The following DCHS2 variants were observed in gnomAD, a reference collection of about 807,000 sequenced individuals.
DCHS2 encodes dachsous cadherin-related 2, also known as protocadherin-23.
DCHS2 carries 142 observed loss-of-function variants against 182.4 expected under a neutral mutation model. The observed-to-expected ratio is 0.78, with a 90% confidence interval of 0.68 to 0.89. The LOEUF (loss-of-function observed/expected upper bound fraction) is 0.89. Ranked by LOEUF, DCHS2 falls within the 40% of genes least tolerant of loss-of-function variation. The pLI, the probability that DCHS2 is intolerant of heterozygous loss-of-function variation, is 0.00. For synonymous variants in DCHS2, 1,740 were observed against 1,663.3 expected (o/e 1.05, Z -1.12); for missense variants, 4,319 against 4,198.6 (o/e 1.03, Z -0.79).
chr4:154,467,448 C>T (rs906763212), intron 1 of DCHS2, among the ~76,000 whole-genome samples: 4 of 152,088 alleles, frequency 2.6e-5, no homozygotes, highest in Non-Finnish European at 5.9e-5. Flanking sequence ...ACTCTAAATA[C>T]ATACTCTATA....
chr4:154,438,181 C>T (rs1203275394), intron 1 of DCHS2, among the ~76,000 whole-genome samples: 2 of 152,154 alleles, frequency 1.3e-5, no homozygotes, highest in African/African-American at 2.4e-5. Flanking sequence ...GCCTGCCCTA[C>T]CTAATACCAA....
At chr4:154,308,987 C>A (rs1261681431) in intron 10 of DCHS2, among the ~76,000 whole-genome samples, 1 of 152,102 alleles carries the variant, frequency 6.6e-6, no homozygotes, top group African/African-American at 2.4e-5. Context: ...AAAAGAAAAT[C>A]TAAATACCTT....
intron 1 of DCHS2, among the ~76,000 whole-genome samples, chr4:154,396,213 A>T (rs1340824644): frequency 1.3e-5 from 2 of 151,852 alleles, no homozygotes; most frequent in African/African-American, 2.4e-5. Context: ...TGTACCTGGC[A>T]CATAATAGGT....
At chr4:154,246,416 C>G (rs749117309) in intron 16 of DCHS2, among the ~76,000 whole-genome samples, 1 of 152,040 alleles carries the variant, frequency 6.6e-6, no homozygotes, top group Non-Finnish European at 1.5e-5. Context: ...AGTCGACTTC[C>G]CCTGTGGTAC....
intron 10 of DCHS2, among the ~76,000 whole-genome samples, chr4:154,305,899 C>T (rs1261870440): frequency 6.6e-6 from 1 of 152,134 alleles, no homozygotes; most frequent in African/African-American, 2.4e-5. Context: ...GAGTCTGTCC[C>T]ATGCCATTGT....
At chr4:154,385,315 G>A (rs1194182416) in intron 1 of DCHS2, among the ~76,000 whole-genome samples, 2 of 152,064 alleles carry the variant, frequency 1.3e-5, no homozygotes, top group African/African-American at 4.8e-5. Context: ...TCTTAATCCA[G>A]TCTATCATTG....
At chr4:154,476,678 G>A (rs1270614496) in intron 1 of DCHS2, among the ~76,000 whole-genome samples, 1 of 152,168 alleles carries the variant, frequency 6.6e-6, no homozygotes, top group Non-Finnish European at 1.5e-5. Context: ...AGGCAAGATG[G>A]GTAAGGTCTC....
At chr4:154,344,059 C>T (rs116668412) in intron 3 of DCHS2, among the ~76,000 whole-genome samples, 3,450 of 149,012 alleles carry the variant, frequency 0.023, 106 homozygotes, top group African/African-American at 0.077. Context: ...GAGAGAGAGA[C>T]GGGAAACAGC....
chr4:154,368,418 T>C (rs1730493342), intron 2 of DCHS2, among the ~76,000 whole-genome samples: 1 of 152,170 alleles, frequency 6.6e-6, no homozygotes. Context: ...GAAATGAATA[T>C]TGCCCCAGCT....
At chr4:154,432,988 T>TC (rs2110938696) in intron 1 of DCHS2, among the ~76,000 whole-genome samples, 1 of 152,306 alleles carries the variant, frequency 6.6e-6, no homozygotes, top group Admixed American at 6.5e-5. Flanking sequence ...TTGAATCATG[T>TC]CCTGCAAAAA....
In DCHS2 at chr4:154,236,040, T is replaced by C; in HGVS notation, c.8612A>G (p.Glu2871Gly). 1.2e-6 allele frequency: 2 copies of C among 1,613,936 alleles called. No individual in the cohort carries two copies. The highest frequency in any genetic ancestry group is 2.2e-5 in the East Asian group (1 of 44,864). Residue 2871 changes from glutamate to glycine, a missense_variant, in exon 20 of 20, where the codon GAA becomes GGA. Physicochemically the swap from Glu to Gly is moderately conservative, Grantham distance 98. Transcript: ENST00000357232. ...AATGGGCTCAAATTCATCTATCCCT[T>C]CAATATCCACCCAGACCACTAAGGA... ...TASLVVWVDI[E>G]GIDEFEPIFT...
chr4:154,458,845 A>C (rs1250757101), intron 1 of DCHS2, among the ~76,000 whole-genome samples: 1 of 152,198 alleles, frequency 6.6e-6, no homozygotes, highest in Non-Finnish European at 1.5e-5. Flanking sequence ...CTAAGGTTGC[A>C]GTTTCTCAGG....
intron 1 of DCHS2, among the ~76,000 whole-genome samples, chr4:154,400,031 C>A (rs1416004212): frequency 6.6e-6 from 1 of 151,984 alleles, no homozygotes; most frequent in Admixed American, 6.5e-5. Flanking sequence ...CGGCCGGGCG[C>A]GGTGGCTCAT....
intron 13 of DCHS2, 76 bp downstream of exon 13, chr4:154,297,775 C>T (rs1349222498): frequency 2.0e-6 from 3 of 1,526,194 alleles, no homozygotes; most frequent in Non-Finnish European, 2.6e-6. Flanking sequence ...CAATGGCACT[C>T]TTGTAGTATA....
chr4:154,314,769 T>C (rs983059041), intron 10 of DCHS2, among the ~76,000 whole-genome samples: 4 of 152,152 alleles, frequency 2.6e-5, no homozygotes, highest in Admixed American at 2.6e-4. Context: ...TATACAAACG[T>C]AAATTTTAAA....
intron 1 of DCHS2, among the ~76,000 whole-genome samples, chr4:154,428,641 C>T (rs1579074234): frequency 6.6e-6 from 1 of 152,030 alleles, no homozygotes; most frequent in South Asian, 2.1e-4. Flanking sequence ...AAAGTGGATA[C>T]TGTAATCCTA....
At chr4:154,472,836 TCACA>T (rs1735529208) in intron 1 of DCHS2, among the ~76,000 whole-genome samples, 1 of 151,768 alleles carries the variant, frequency 6.6e-6, no homozygotes, top group Non-Finnish European at 1.5e-5. Context: ...ACATATCACA[TCACA>T]CAGAGAATAA....
At chr4:154,468,032 C>T (rs1302652488) in intron 1 of DCHS2, among the ~76,000 whole-genome samples, 2 of 152,074 alleles carry the variant, frequency 1.3e-5, no homozygotes, top group Non-Finnish European at 2.9e-5. Context: ...AATGCCTGAC[C>T]ACCATTACCC....
At position 154,438,702 on chromosome 4, in the gene DCHS2, G is replaced by A. The variant is rs142043794; in HGVS notation, c.2052+50602C>T. 3.6e-3 allele frequency among the ~76,000 whole-genome samples: 544 copies of A among 152,266 alleles called. 2 individuals carry two copies. Among genetic ancestry groups the A allele is most frequent in the Middle Eastern group, 0.02 (6 of 294 alleles). On this transcript the variant is annotated intron_variant, in intron 1 of 19. Coordinates refer to ENST00000357232, the MANE Select transcript of DCHS2 (RefSeq NM_001358235.2). ...TAATAGTTCTCTTTCCAAAAGTCCT[G>A]CACATTTCCTAGTCGCTTTATTCCT...
Sources: gnomAD v4.1 joint callset for allele counts (sites outside exome capture counted in the v4.1 genomes callset) on GRCh38, gnomAD v4.1.1 for gene constraint, MANE v1.5 for transcripts, NCBI Gene and HGNC (gene_info 2026-07-23, HGNC 2026-07-21) for gene names.